The following GPR137C variants were observed in gnomAD, a reference collection of about 807,000 sequenced individuals.
GPR137C encodes G protein-coupled receptor 137C, also known as integral membrane protein GPR137C.
GPR137C carries 27 observed loss-of-function variants against 43.4 expected under a neutral mutation model. That is an observed-to-expected ratio of 0.62 (90% CI 0.46 to 0.86). The LOEUF (loss-of-function observed/expected upper bound fraction) is 0.86, where lower values mean the gene tolerates loss of function less well. Among genes scored for constraint, GPR137C ranks in the 40% least tolerant of loss-of-function variants. The pLI, the probability that GPR137C is intolerant of heterozygous loss-of-function variation, is 0.00. For synonymous variants in GPR137C, 285 were observed against 226.9 expected, an observed-to-expected ratio of 1.26 and a Z score of -2.30; for missense variants, 522 against 534.6, an observed-to-expected ratio of 0.98 and a Z score of 0.23.
chr14:52,613,491 TC>T (rs904503082), intron 3 of GPR137C: 1 of 153,572 alleles, frequency 6.5e-6, no homozygotes, highest in Non-Finnish European at 1.5e-5. Context: ...TCCCCACTTC[TC>T]CCCAACCCCT....
At chr14:52,572,966 A>G (rs1226274337) in intron 1 of GPR137C, among the ~76,000 whole-genome samples, 1 of 151,414 alleles carries the variant, frequency 6.6e-6, no homozygotes, top group East Asian at 1.9e-4. Flanking sequence ...GAGAACTCCC[A>G]TGTATAATTG....
intron 3 of GPR137C, 147 bp downstream of exon 3, chr14:52,600,488 T>G: frequency 1.7e-6 from 1 of 588,522 alleles, no homozygotes; most frequent in South Asian, 2.2e-5. Flanking sequence ...TTAGTCAGGC[T>G]AGAGTGCAAT....
chr14:52,601,036 T>C (rs1376321153), intron 3 of GPR137C, among the ~76,000 whole-genome samples: 1 of 152,180 alleles, frequency 6.6e-6, no homozygotes, highest in Non-Finnish European at 1.5e-5. Flanking sequence ...ATACTTTGGA[T>C]CAACAAACAG....
At chr14:52,581,090 G>A (rs1320098908) in intron 1 of GPR137C, among the ~76,000 whole-genome samples, 1 of 151,222 alleles carries the variant, frequency 6.6e-6, no homozygotes, top group Non-Finnish European at 1.5e-5. Flanking sequence ...CAGCTACTCA[G>A]GAGGCTGAGG....
intron 3 of GPR137C, among the ~76,000 whole-genome samples, chr14:52,623,918 A>G (rs963851314): frequency 6.6e-5 from 10 of 152,046 alleles, no homozygotes; most frequent in African/African-American, 2.4e-4. Context: ...GTACATTCAT[A>G]TTGTTGTGCA....
At chr14:52,585,484 G>A (rs536596956) in intron 1 of GPR137C, among the ~76,000 whole-genome samples, 6 of 152,238 alleles carry the variant, frequency 3.9e-5, no homozygotes, top group Non-Finnish European at 7.4e-5. Context: ...CTTCAACCAC[G>A]AAGAGTCTTT....
chr14:52,575,344 A>G (rs1161544841), intron 1 of GPR137C, among the ~76,000 whole-genome samples: 1 of 152,190 alleles, frequency 6.6e-6, no homozygotes, highest in African/African-American at 2.4e-5. Context: ...TCAGTGAGCT[A>G]TGATCATGCC....
At chr14:52,588,347 G>A (rs2139500501) in intron 1 of GPR137C, among the ~76,000 whole-genome samples, 1 of 152,142 alleles carries the variant, frequency 6.6e-6, no homozygotes, top group South Asian at 2.1e-4. Flanking sequence ...GTTTCACCAT[G>A]TTGGCCAGGC....
chr14:52,579,826 G>T (rs1397468580), intron 1 of GPR137C, among the ~76,000 whole-genome samples: 2 of 152,284 alleles, frequency 1.3e-5, no homozygotes, highest in African/African-American at 4.8e-5. Flanking sequence ...CAGTGCCCAA[G>T]ATTTTTTTTA....
rs952634058 is a variant in GPR137C at position 52,632,028 on chromosome 14, A to C, written c.718-132A>C. ...TAGGAATTGAAAAGCAAGATAATCAAGAGTTTATTTCAACAGGTACTCAGT... is the reference window on the plus strand; with the variant it reads ...TAGGAATTGAAAAGCAAGATAATCACGAGTTTATTTCAACAGGTACTCAGT... On this transcript the variant is annotated intron_variant, in intron 3 of 6. Coordinates refer to ENST00000321662, the MANE Select transcript of GPR137C (RefSeq NM_001099652.2). The C allele has an allele frequency of 4.0e-5, 23 of 578,160 alleles. No individual in the cohort carries two copies. The East Asian group carries it at 7.0e-4, about 18-fold the overall frequency. The allele number at this position is 578,160 out of a possible 1,614,324, so 35.8% of individuals were successfully genotyped here. A position where few individuals can be genotyped will look rare whatever the true frequency, so the allele number is the denominator to read the frequency against.
At chr14:52,628,094 C>T (rs1381934407) in intron 3 of GPR137C, among the ~76,000 whole-genome samples, 1 of 152,144 alleles carries the variant, frequency 6.6e-6, no homozygotes, top group Admixed American at 6.5e-5. Flanking sequence ...GGGATTCATA[C>T]TACATTATGT....
At chr14:52,555,746 C>A (rs1290211660) in intron 1 of GPR137C, among the ~76,000 whole-genome samples, 1 of 152,046 alleles carries the variant, frequency 6.6e-6, no homozygotes, top group African/African-American at 2.4e-5. Context: ...CTTTGTAATG[C>A]CTGCTAAAAA....
chr14:52,584,079 T>C (rs1319433856), intron 1 of GPR137C, among the ~76,000 whole-genome samples: 1 of 152,188 alleles, frequency 6.6e-6, no homozygotes, highest in Non-Finnish European at 1.5e-5. Context: ...CCCTTGACTT[T>C]TTGCCGTGCC....
chr14:52,598,519 A>G (rs1430480675), intron 2 of GPR137C, among the ~76,000 whole-genome samples: 1 of 152,188 alleles, frequency 6.6e-6, no homozygotes, highest in African/African-American at 2.4e-5. Context: ...TGAGTAGCCC[A>G]CATTTCTCTC....
chr14:52,560,422 A>G (rs2038262961), intron 1 of GPR137C, among the ~76,000 whole-genome samples: 1 of 152,216 alleles, frequency 6.6e-6, no homozygotes, highest in African/African-American at 2.4e-5. Flanking sequence ...GTTTTAAAAT[A>G]TGCGTGGACA....
At position 52,568,284 on chromosome 14, in the gene GPR137C, C is replaced by T. The variant is rs550200221; in HGVS notation, c.444+14693C>T. 3.9e-5 allele frequency among the ~76,000 whole-genome samples: 6 copies of T among 152,250 alleles called. No homozygotes were observed. The South Asian group carries it at 8.3e-4, about 21-fold the overall frequency. On this transcript the variant is annotated intron_variant, in intron 1 of 6. Transcript: ENST00000321662. ...GGTGCATTCCAGCTCAGATACTATG[C>T]TTTTTCCACGGTCTTCCCAACCTGC...
intron 1 of GPR137C, among the ~76,000 whole-genome samples, chr14:52,589,715 A>C (rs376202080): frequency 6.6e-5 from 10 of 152,304 alleles, no homozygotes; most frequent in African/African-American, 2.2e-4. Context: ...AACTCACCCC[A>C]CATACAACAG....
At chr14:52,620,914 C>T (rs1164850947) in intron 3 of GPR137C, among the ~76,000 whole-genome samples, 1 of 151,776 alleles carries the variant, frequency 6.6e-6, no homozygotes, top group Non-Finnish European at 1.5e-5. Context: ...ATAAAACAGA[C>T]AGAAGCTCAG....
At chr14:52,634,002 C>A (rs1311607317) in intron 6 of GPR137C, 56 bp downstream of exon 6, 14 of 1,063,076 alleles carry the variant, frequency 1.3e-5, no homozygotes, top group Non-Finnish European at 2.0e-5. Context: ...TTGAAAAAAA[C>A]AAATCTAAGC....
Sources: allele counts gnomAD v4.1 joint callset (sites outside exome capture counted in the v4.1 genomes callset), GRCh38; gene constraint gnomAD v4.1.1; transcripts MANE v1.5; gene names NCBI Gene and HGNC (gene_info 2026-07-23, HGNC 2026-07-21).